Variants in TRPM3 observed in about 807,000 individuals in gnomAD.
TRPM3 encodes transient receptor potential cation channel subfamily M member 3, also known as long transient receptor potential channel 3.
In TRPM3, 77 loss-of-function variants were observed where a neutral mutation model predicts 181.2. The observed-to-expected ratio is 0.42, with a 90% CI of 0.35 to 0.51. The LOEUF (loss-of-function observed/expected upper bound fraction) is 0.51, where lower values mean the gene tolerates loss of function less well. TRPM3 is among the 20% of genes least tolerant of loss of function. TRPM3 has a pLI of 0.01. For synonymous variants in TRPM3, 745 were observed against 796.4 expected (o/e 0.94, Z 1.09); for missense variants, 1,759 against 2,196.7 (o/e 0.80, Z 3.98).
intron 1 of TRPM3, among the ~76,000 whole-genome samples, chr9:71,348,360 T>C (rs1248948846): frequency 6.6e-6 from 1 of 151,756 alleles, no homozygotes; most frequent in Non-Finnish European, 1.5e-5. Flanking sequence ...CCCACTACTT[T>C]CTCCTGTATA....
intron 1 of TRPM3, among the ~76,000 whole-genome samples, chr9:71,262,078 T>C (rs2083095450): frequency 6.6e-6 from 1 of 152,140 alleles, no homozygotes; most frequent in East Asian, 1.9e-4. Context: ...GGCTGGAACG[T>C]TTAAGTCTGC....
At chr9:70,910,392 T>C (rs2096526374) in intron 1 of TRPM3, among the ~76,000 whole-genome samples, 1 of 152,170 alleles carries the variant, frequency 6.6e-6, no homozygotes, top group African/African-American at 2.4e-5. Flanking sequence ...GAGGAGGCTA[T>C]GAATAGTGAC....
chr9:70,905,448 A>C (rs956313761), intron 1 of TRPM3, among the ~76,000 whole-genome samples: 1 of 152,166 alleles, frequency 6.6e-6, no homozygotes, highest in Non-Finnish European at 1.5e-5. Context: ...GTCCTATGTT[A>C]GAATTTTTAC....
At chr9:70,783,447 T>A (rs565912429) in intron 7 of TRPM3, among the ~76,000 whole-genome samples, 1 of 152,128 alleles carries the variant, frequency 6.6e-6, no homozygotes, top group East Asian at 1.9e-4. Context: ...CAGTGGGAAG[T>A]TGGATTGGAG....
intron 1 of TRPM3, among the ~76,000 whole-genome samples, chr9:71,201,022 T>C (rs891624982): frequency 2.0e-5 from 3 of 152,194 alleles, no homozygotes; most frequent in African/African-American, 7.2e-5. Flanking sequence ...TGGTTGTTCC[T>C]TTCCATGTTT....
At chr9:70,617,620 G>C (rs2062989765) in intron 17 of TRPM3, among the ~76,000 whole-genome samples, 1 of 152,138 alleles carries the variant, frequency 6.6e-6, no homozygotes, top group Non-Finnish European at 1.5e-5. Context: ...CAAGATGATG[G>C]ATATGTTAAT....
At chr9:71,239,001 C>T (rs748891971) in intron 1 of TRPM3, among the ~76,000 whole-genome samples, 12 of 152,092 alleles carry the variant, frequency 7.9e-5, no homozygotes, top group African/African-American at 1.2e-4. Context: ...CAAAGGTGCA[C>T]ATGACTGTGT....
At chr9:70,693,362 T>C (rs2069146665) in intron 8 of TRPM3, among the ~76,000 whole-genome samples, 3 of 152,166 alleles carry the variant, frequency 2.0e-5, no homozygotes, top group Admixed American at 2.0e-4. Context: ...GCCAACCAGA[T>C]GGTTGAAAAA....
At chr9:70,750,072 A>T (rs2075859601) in intron 8 of TRPM3, among the ~76,000 whole-genome samples, 1 of 152,176 alleles carries the variant, frequency 6.6e-6, no homozygotes, top group Admixed American at 6.5e-5. Flanking sequence ...AACGATATAT[A>T]ACAGCTTTCA....
At chr9:71,420,809 AAGAAAGAG>A (rs1229596501) in intron 1 of TRPM3, among the ~76,000 whole-genome samples, 1 of 5,528 alleles carries the variant, frequency 1.8e-4, no homozygotes, top group Non-Finnish European at 4.8e-4. Context: ...GAAAGAGAGA[AAGAAAGAG>A]AGAAAGAGAG....
At chr9:71,254,685 G>A (rs1053544793) in intron 1 of TRPM3, among the ~76,000 whole-genome samples, 35 of 152,124 alleles carry the variant, frequency 2.3e-4, no homozygotes, top group African/African-American at 8.4e-4. Flanking sequence ...TACCAAAACA[G>A]TATTTATTAA....
intron 1 of TRPM3, among the ~76,000 whole-genome samples, chr9:71,196,330 G>A (rs183407251): frequency 6.6e-6 from 1 of 151,474 alleles, no homozygotes; most frequent in Non-Finnish European, 1.5e-5. Context: ...ACACACATGC[G>A]ATCACCAAAT....
chr9:70,958,898 G>A (rs964942911), intron 1 of TRPM3, among the ~76,000 whole-genome samples: 10 of 151,014 alleles, frequency 6.6e-5, no homozygotes, highest in Admixed American at 1.3e-4. Context: ...GTAAACTATC[G>A]CAAGGACAAA....
chr9:70,535,843 T>G lies in TRPM3; in HGVS notation c.*110A>C. 1 of 1,508,806 alleles carries G rather than the reference T, an allele frequency of 6.6e-7. No homozygotes were observed. The highest frequency in any genetic ancestry group is 8.8e-7 in the Non-Finnish European group (1 of 1,134,682). The allele number at this position is 1,508,806 out of a possible 1,614,324, so 93.5% of individuals were successfully genotyped here. A position where few individuals can be genotyped will look rare whatever the true frequency, so the allele number is the denominator to read the frequency against. ...ACACCTCCCAAAGCATTGCTTGTTTTGCTCAGCTAAGAATAAAGCAGGTAT... is the reference window on the plus strand; with the variant it reads ...ACACCTCCCAAAGCATTGCTTGTTTGGCTCAGCTAAGAATAAAGCAGGTAT... On this transcript the variant is annotated 3_prime_UTR_variant, in exon 26 of 26. Coordinates refer to ENST00000677713, the MANE Select transcript of TRPM3 (RefSeq NM_001366145.2).
chr9:70,570,640 G>A (rs2052059810), intron 22 of TRPM3, among the ~76,000 whole-genome samples: 1 of 152,132 alleles, frequency 6.6e-6, no homozygotes, highest in South Asian at 2.1e-4. Flanking sequence ...AAATCTGCTG[G>A]TGAGCAATAT....
intron 1 of TRPM3, among the ~76,000 whole-genome samples, chr9:71,180,352 G>A (rs988909764): frequency 6.6e-6 from 1 of 152,106 alleles, no homozygotes; most frequent in African/African-American, 2.4e-5. Flanking sequence ...ACTTCACCCA[G>A]CCTATCATAC....
chr9:70,602,766 T>C (rs111376687), intron 20 of TRPM3, among the ~76,000 whole-genome samples: 17 of 152,258 alleles, frequency 1.1e-4, no homozygotes, highest in Admixed American at 3.3e-4. Flanking sequence ...TTTTAGGCCA[T>C]AGAAGTGGGG....
chr9:70,626,685 T>G (rs966856569), intron 12 of TRPM3, among the ~76,000 whole-genome samples: 3 of 152,196 alleles, frequency 2.0e-5, no homozygotes, highest in African/African-American at 7.2e-5. Context: ...TCAGTAAGTT[T>G]CTGGTGGTAG....
chr9:70,542,066 A>G (rs557833795), intron 25 of TRPM3, among the ~76,000 whole-genome samples: 27 of 152,310 alleles, frequency 1.8e-4, no homozygotes, highest in African/African-American at 6.3e-4. Context: ...GGCTGTGGTG[A>G]GCCCAGATGG....
Sources: allele counts gnomAD v4.1 joint callset (sites outside exome capture counted in the v4.1 genomes callset), GRCh38; gene constraint gnomAD v4.1.1; transcripts MANE v1.5; gene names NCBI Gene and HGNC (gene_info 2026-07-23, HGNC 2026-07-21).